AGXT2: variants seen among roughly 807,000 people sequenced by gnomAD.
AGXT2 encodes alanine--glyoxylate aminotransferase 2, mitochondrial.
In AGXT2, 61 loss-of-function variants were observed where a neutral mutation model predicts 62.5. The observed-to-expected ratio is 0.98, with a 90% confidence interval of 0.79 to 1.21. The LOEUF (loss-of-function observed/expected upper bound fraction) is 1.21. Ranked by LOEUF, AGXT2 falls within the 50% of genes most tolerant of loss-of-function variation. The pLI, the probability that AGXT2 is intolerant of heterozygous loss-of-function variation, is 0.00. For missense variants in AGXT2, 666 were observed against 641.5 expected (o/e 1.04, Z -0.41); for synonymous variants, 243 against 218.7 (o/e 1.11, Z -0.98).
At chr5:35,041,485 C>A (rs914486652) in intron 1 of AGXT2, among the ~76,000 whole-genome samples, 1 of 152,278 alleles carries the variant, frequency 6.6e-6, no homozygotes, top group South Asian at 2.1e-4. Context: ...CATTCCTCAA[C>A]CATTTCCACC....
intron 4 of AGXT2, 130 bp downstream of exon 4, chr5:35,036,812 T>C (rs1380839815): frequency 7.3e-7 from 1 of 1,365,992 alleles, no homozygotes; most frequent in Non-Finnish European, 1.0e-6. Flanking sequence ...CAGGCTAAAT[T>C]CCCTGCCCAT....
chr5:35,003,248 G>A (rs1580566779), intron 13 of AGXT2, among the ~76,000 whole-genome samples: 1 of 152,296 alleles, frequency 6.6e-6, no homozygotes, highest in East Asian at 1.9e-4. Context: ...CTATGCCCAG[G>A]TGGTCCTCCA....
At chr5:35,036,787 C>T (rs1194860040) in intron 4 of AGXT2, among the ~76,000 whole-genome samples, 155 bp downstream of exon 4, 1 of 152,240 alleles carries the variant, frequency 6.6e-6, no homozygotes, top group Non-Finnish European at 1.5e-5. Flanking sequence ...ATCACCACTA[C>T]AGATGTTCAG....
At chr5:35,005,135 G>A (rs553536214) in intron 12 of AGXT2, among the ~76,000 whole-genome samples, 1 of 152,328 alleles carries the variant, frequency 6.6e-6, no homozygotes, top group Admixed American at 6.5e-5. Context: ...GTGAGAACTA[G>A]AAGGGCATTA....
intron 5 of AGXT2, among the ~76,000 whole-genome samples, chr5:35,034,312 G>A (rs549121836): frequency 9.2e-5 from 14 of 152,170 alleles, no homozygotes; most frequent in African/African-American, 2.9e-4. Context: ...TACTTACCTC[G>A]ACACACATAT....
rs770841939 is a variant in AGXT2, at chr5:35,039,324, G to T, written c.362C>A (p.Pro121Gln). ...IVTVSVGHCH[P>Q]KVNAVAQKQL... ...ATCTCCAGATTTTAAGGATACTCACGGGTGGCAATGGCCAACACTGACAGT... is the reference window on the plus strand; with the variant it reads ...ATCTCCAGATTTTAAGGATACTCACTGGTGGCAATGGCCAACACTGACAGT... Residue 121 changes from proline to glutamine, a missense_variant and splice_region_variant, in exon 3 of 14, where the codon CCA becomes CAA. Transcript: ENST00000231420. The T allele has an allele frequency of 1.2e-6, 2 of 1,613,606 alleles. No homozygotes were observed. Among genetic ancestry groups the T allele is most frequent in the Non-Finnish European group, 1.7e-6 (2 of 1,179,588 alleles).
rs753663029 is a variant in AGXT2, at chr5:35,039,280, G to GATTT, written c.362+43_362+44insAAAT. On this transcript the variant is annotated intron_variant, in intron 3 of 13. Transcript: ENST00000231420. ...AGTCACTAACATAATTGTTTTCCAT[G>GATTT]CATTCTTTTGGAATAAAAATCTCCA... 1.9e-6 allele frequency: 3 copies of GATTT among 1,582,384 alleles called. No individual in the cohort carries two copies. In the South Asian group the frequency reaches 3.3e-5, roughly 18 times the overall value.
chr5:35,036,206 C>T (rs966061371), intron 4 of AGXT2, among the ~76,000 whole-genome samples: 1 of 152,170 alleles, frequency 6.6e-6, no homozygotes, highest in African/African-American at 2.4e-5. Context: ...TCTGCTGACT[C>T]TCTGCTTCTG....
intron 9 of AGXT2, among the ~76,000 whole-genome samples, chr5:35,022,613 G>A (rs1437204661): frequency 6.6e-6 from 1 of 151,138 alleles, no homozygotes; most frequent in Admixed American, 6.6e-5. Flanking sequence ...TGGGACATAT[G>A]CCTAATGCTA....
At chr5:35,006,129 C>T (rs1441237881) in intron 12 of AGXT2, among the ~76,000 whole-genome samples, 5 of 152,132 alleles carry the variant, frequency 3.3e-5, no homozygotes, top group African/African-American at 9.7e-5. Context: ...TCTTCTTAAA[C>T]GTTACCTAGT....
intron 13 of AGXT2, among the ~76,000 whole-genome samples, chr5:35,003,070 T>C (rs2112164274): frequency 6.6e-6 from 1 of 152,328 alleles, no homozygotes. Context: ...AGGCTGTTGC[T>C]GTGAGGGGCA....
intron 9 of AGXT2, among the ~76,000 whole-genome samples, chr5:35,017,847 T>A (rs774985983): frequency 6.6e-6 from 1 of 152,004 alleles, no homozygotes; most frequent in South Asian, 2.1e-4. Flanking sequence ...AGAATGTATA[T>A]CTAGAATAAC....
chr5:35,041,160 T>G (rs1384345190), intron 1 of AGXT2, among the ~76,000 whole-genome samples: 1 of 124,318 alleles, frequency 8.0e-6, no homozygotes, highest in East Asian at 2.3e-4. Context: ...AGGCAGGTGT[T>G]AGACAATATA....
intron 10 of AGXT2, among the ~76,000 whole-genome samples, chr5:35,013,649 G>A (rs1766729380): frequency 6.6e-6 from 1 of 152,158 alleles, no homozygotes; most frequent in Non-Finnish European, 1.5e-5. Context: ...GGGCGTGGTG[G>A]TGCGCACCTG....
At chr5:35,004,662 C>A (rs1292038488) in intron 12 of AGXT2, among the ~76,000 whole-genome samples, 1 of 152,226 alleles carries the variant, frequency 6.6e-6, no homozygotes, top group Admixed American at 6.5e-5. Context: ...CTAGGCCAAT[C>A]AAATTAGAAT....
intron 4 of AGXT2, 74 bp from the exon 5 acceptor site, chr5:35,035,390 G>A (rs1767724215): frequency 3.9e-6 from 5 of 1,280,794 alleles, no homozygotes; most frequent in Admixed American, 3.4e-5. Flanking sequence ...TTGCTGAAGG[G>A]CAGGTGTCCA....
Position 34,998,766 on chromosome 5 carries a change from C to A in AGXT2, c.1498G>T (p.Val500Leu). 1 of 1,614,070 alleles carries A rather than the reference C, an allele frequency of 6.2e-7. No individual in the cohort carries two copies. Among genetic ancestry groups the A allele is most frequent in the Non-Finnish European group, 8.5e-7 (1 of 1,180,006 alleles). The change falls in exon 14 of 14, where the codon GTA becomes TTA. Residue 500 changes from valine to leucine, a missense_variant. Physicochemically the swap from Val to Leu is conservative, Grantham distance 32. Transcript: ENST00000231420. ...TKPEVDFAVE[V>L]FRSALTQHME... ...TGTTGGGTTAAGGCAGAACGAAATA[C>A]TTCTACTGCAAAATCAACTTCTGGT...
In AGXT2 at chr5:35,012,569, C is replaced by G. The variant is rs7715709; in HGVS notation, c.1188+385G>C. ...AGAACTCAGTGTCTCCTTAGTCATT[C>G]AATTTATAATAGTACAACAAAAGGA... On this transcript the variant is annotated intron_variant, in intron 11 of 13. Transcript: ENST00000231420. 1,646 of 284,968 alleles carry G rather than the reference C, an allele frequency of 5.8e-3. 38 individuals carry two copies. The highest frequency in any genetic ancestry group is 0.034 in the African/African-American group (1,565 of 45,524). The allele number at this position is 284,968 out of a possible 1,614,324, so 17.7% of individuals were successfully genotyped here. A position where few individuals can be genotyped will look rare whatever the true frequency, so the allele number is the denominator to read the frequency against.
intron 13 of AGXT2, 65 bp downstream of exon 13, chr5:35,003,698 C>G: frequency 6.9e-7 from 1 of 1,456,968 alleles, no homozygotes; most frequent in East Asian, 2.3e-5. Context: ...GAAACTGTGA[C>G]CAGCATTAGG....
Sources: allele counts gnomAD v4.1 joint callset (sites outside exome capture counted in the v4.1 genomes callset), GRCh38; gene constraint gnomAD v4.1.1; transcripts MANE v1.5; gene names NCBI Gene and HGNC (gene_info 2026-07-23, HGNC 2026-07-21).